The following SLC16A14 variants were observed in gnomAD, a reference collection of about 807,000 sequenced individuals.
The protein encoded by SLC16A14 is solute carrier family 16 member 14.
SLC16A14 carries 14 observed loss-of-function variants against 35.8 expected under a neutral mutation model. The observed-to-expected ratio is 0.39, with a 90% CI of 0.26 to 0.61. The LOEUF (loss-of-function observed/expected upper bound fraction) is 0.61, where lower values mean the gene tolerates loss of function less well. Ranked by LOEUF, SLC16A14 falls within the 20% of genes least tolerant of loss-of-function variation. The probability of loss-of-function intolerance (pLI) is 0.51; values close to 1 mark genes in which losing one functional copy is unlikely to be tolerated. For missense variants in SLC16A14, 533 were observed against 655.0 expected, an observed-to-expected ratio of 0.81 and a Z score of 2.03; for synonymous variants, 248 against 258.9, an observed-to-expected ratio of 0.96 and a Z score of 0.40.
At chr2:230,037,894 G>A (rs1301948170) in intron 4 of SLC16A14, among the ~76,000 whole-genome samples, 2 of 152,116 alleles carry the variant, frequency 1.3e-5, no homozygotes, top group Admixed American at 6.5e-5. Flanking sequence ...AGTGAAATGC[G>A]AATCCAATGA....
intron 1 of SLC16A14, chr2:230,066,770 G>C (rs1431024914): frequency 8.5e-6 from 3 of 352,030 alleles, no homozygotes; most frequent in Admixed American, 8.3e-5. Context: ...GAGTAGCTGG[G>C]ACTACAGGTG....
intron 1 of SLC16A14, 76 bp from the exon 2 acceptor site, chr2:230,059,442 C>A: frequency 8.6e-7 from 1 of 1,166,698 alleles, no homozygotes; most frequent in South Asian, 1.6e-5. Context: ...GCAGCTCTAC[C>A]TCCCCATCAG....
chr2:230,054,085 G>GC (rs376535976), intron 2 of SLC16A14, among the ~76,000 whole-genome samples: 18 of 115,362 alleles, frequency 1.6e-4, no homozygotes, highest in East Asian at 2.7e-4. Flanking sequence ...GCAGCCTGAG[G>GC]TGGGGGGGGA....
intron 4 of SLC16A14, 158 bp downstream of exon 4, chr2:230,045,587 A>T: frequency 1.2e-6 from 1 of 844,456 alleles, no homozygotes; most frequent in Non-Finnish European, 1.9e-6. Context: ...AATAGGCTTT[A>T]ACTTGCTAAA....
intron 2 of SLC16A14, 44 bp from the exon 3 acceptor site, chr2:230,049,948 GTT>G (rs756261870): frequency 6.3e-7 from 1 of 1,588,928 alleles, no homozygotes; most frequent in East Asian, 2.3e-5. Flanking sequence ...AGGTGCTTCC[GTT>G]TTATTCTTTC....
chr2:230,059,508 C>T (rs1434080320), intron 1 of SLC16A14, 142 bp from the exon 2 acceptor site: 2 of 639,890 alleles, frequency 3.1e-6, no homozygotes, highest in South Asian at 2.3e-5. Flanking sequence ...TGTCACCATA[C>T]AGATTTGAAA....
intron 4 of SLC16A14, among the ~76,000 whole-genome samples, chr2:230,044,543 G>C (rs1004423541): frequency 2.2e-4 from 33 of 151,940 alleles, no homozygotes; most frequent in Non-Finnish European, 2.5e-4. Flanking sequence ...GAAGACGTGA[G>C]TTACACTGCT....
chr2:230,066,334 T>C (rs1161576293), intron 1 of SLC16A14, among the ~76,000 whole-genome samples: 1 of 151,934 alleles, frequency 6.6e-6, no homozygotes, highest in African/African-American at 2.4e-5. Flanking sequence ...TAACCCACTC[T>C]AAGCAAGCTT....
intron 1 of SLC16A14, 112 bp from the exon 2 acceptor site, chr2:230,059,478 C>T (rs936823388): frequency 2.5e-5 from 18 of 720,902 alleles, no homozygotes; most frequent in African/African-American, 1.4e-4. Flanking sequence ...AGTATCACAT[C>T]TGATCTTCAG....
At chr2:230,041,440 C>T (rs546486067) in intron 4 of SLC16A14, among the ~76,000 whole-genome samples, 115 of 152,186 alleles carry the variant, frequency 7.6e-4, no homozygotes, top group Non-Finnish European at 6.9e-4. Flanking sequence ...CTCCGTCTCC[C>T]GGGTTCAAGC....
intron 2 of SLC16A14, among the ~76,000 whole-genome samples, chr2:230,051,794 GTTTAT>G (rs1201918055): frequency 6.6e-6 from 1 of 152,180 alleles, no homozygotes; most frequent in South Asian, 2.1e-4. Context: ...CAGCTAATGA[GTTTAT>G]TTTGTCTAGT....
intron 4 of SLC16A14, among the ~76,000 whole-genome samples, chr2:230,041,085 G>T (rs1489617138): frequency 6.6e-6 from 1 of 152,100 alleles, no homozygotes; most frequent in Non-Finnish European, 1.5e-5. Flanking sequence ...GTAAAATCTG[G>T]TTCCCTGTTA....
At chr2:230,066,455 T>A (rs1577404287) in intron 1 of SLC16A14, among the ~76,000 whole-genome samples, 1 of 151,940 alleles carries the variant, frequency 6.6e-6, no homozygotes, top group South Asian at 2.1e-4. Context: ...CCCAAATGAG[T>A]TCATAGACGA....
At chr2:230,067,938 G>A (rs2077815232) in intron 1 of SLC16A14, 1 of 151,558 alleles carries the variant, frequency 6.6e-6, no homozygotes, top group South Asian at 2.1e-4. Context: ...GCCCCCACCC[G>A]CGCTCGGTGC....
chr2:230,038,367 G>A lies in SLC16A14; in HGVS notation c.1382-836C>T, dbSNP rs772645997. On this transcript the variant is annotated intron_variant, in intron 4 of 4. Coordinates refer to ENST00000295190, the MANE Select transcript of SLC16A14 (RefSeq NM_152527.5). This position sits in a 1 kb window ranked among gnomAD's most constrained non-coding sequence, Gnocchi z 4.4. ...GTATTTCCTCAGGACTTTGTAAAAG[G>A]CATTCTAATTTGAGACATTAAAATA... 1.1e-4 allele frequency among the ~76,000 whole-genome samples: 17 copies of A among 151,998 alleles called. No homozygotes were observed. The highest frequency in any genetic ancestry group is 2.5e-4 in the Non-Finnish European group (17 of 68,010).
chr2:230,066,725 C>G (rs1052785131), intron 1 of SLC16A14: 2 of 393,320 alleles, frequency 5.1e-6, no homozygotes, highest in Non-Finnish European at 9.8e-6. Flanking sequence ...ACTTCCGCCT[C>G]CCGAGTTCAA....
intron 4 of SLC16A14, among the ~76,000 whole-genome samples, chr2:230,043,725 C>T (rs1332799800): frequency 1.3e-5 from 2 of 152,250 alleles, no homozygotes; most frequent in South Asian, 2.1e-4. Flanking sequence ...GCCCCAGCCT[C>T]TGCCATGCTA....
intron 1 of SLC16A14, among the ~76,000 whole-genome samples, chr2:230,063,193 A>G (rs183919604): frequency 9.0e-4 from 133 of 147,984 alleles, no homozygotes; most frequent in Admixed American, 2.9e-3. Flanking sequence ...AGGCTGAGGT[A>G]GGAGAATTGT....
intron 4 of SLC16A14, among the ~76,000 whole-genome samples, chr2:230,044,736 G>A (rs61474039): frequency 0.16 from 17,014 of 105,960 alleles, 802 homozygotes; most frequent in Middle Eastern, 0.2. Context: ...GTGTGTGTGT[G>A]TATGTGTGTG....
Sources: gnomAD v4.1 joint callset for allele counts (sites outside exome capture counted in the v4.1 genomes callset) on GRCh38, gnomAD v4.1.1 for gene constraint, Gnocchi (gnomAD v3.1) non-coding constraint, MANE v1.5 for transcripts, NCBI Gene and HGNC (gene_info 2026-07-23, HGNC 2026-07-21) for gene names.